Variants in ABL1 observed in about 807,000 individuals in gnomAD.
The protein encoded by ABL1 is ABL proto-oncogene 1, non-receptor tyrosine kinase, also known as tyrosine-protein kinase ABL1.
ABL1 carries 11 observed loss-of-function variants against 94.7 expected under a neutral mutation model. The observed-to-expected ratio is 0.12, with a 90% CI of 0.07 to 0.19. The LOEUF is 0.19. Among genes scored for constraint, ABL1 ranks in the 10% least tolerant of loss-of-function variants. ABL1 has a pLI of 1.00. For synonymous variants in ABL1, 656 were observed against 622.4 expected (o/e 1.05, Z -0.80); for missense variants, 1,082 against 1,489.4 (o/e 0.73, Z 4.50).
At chr9:130,847,068 T>A (rs1261458322) in intron 1 of ABL1, among the ~76,000 whole-genome samples, 1 of 152,212 alleles carries the variant, frequency 6.6e-6, no homozygotes, top group African/African-American at 2.4e-5. Flanking sequence ...TTAGATGTAT[T>A]ACTGTTCTCG....
At position 130,885,852 on chromosome 9, in the gene ABL1, C is replaced by CG; in HGVS notation, c.*170dup. On this transcript the variant is annotated 3_prime_UTR_variant, in exon 11 of 11. Transcript: ENST00000318560. Reference sequence around the variant, plus strand: ...CTGTGGAGTCCAGCTCTACTACCTACGTTTGCACCGCCTGCCCTCCCGCAC... The same window carrying CG: ...CTGTGGAGTCCAGCTCTACTACCTACGGTTTGCACCGCCTGCCCTCCCGCAC... 4.7e-6 allele frequency: 4 copies of CG among 856,762 alleles called. No homozygotes were observed. The highest frequency in any genetic ancestry group is 7.0e-6 in the Non-Finnish European group (4 of 574,858). 53.1% of individuals were successfully genotyped at this position (856,762 alleles called of 1,614,324 possible).
Position 130,835,500 on chromosome 9 carries a change from C to T in ABL1, c.54C>T (p.Ser18=). 1 of 1,562,956 alleles carries T rather than the reference C, an allele frequency of 6.4e-7. No homozygotes were observed. Among genetic ancestry groups the T allele is most frequent in the Non-Finnish European group, 8.7e-7 (1 of 1,153,208 alleles). ...LVGCKSKKGL[S]SSSSCYLEEA... is the part of the protein sequence containing the mutation. ...GCTGCAAATCCAAGAAGGGGCTGTC[C>T]TCGTCCTCCAGCTGTTATCTGGAAG... Residue 18 remains serine, a synonymous_variant, in exon 1 of 11, where the codon TCC becomes TCT. Transcript: ENST00000318560. The surrounding 1 kb of genome is among the most constrained non-coding windows in gnomAD (Gnocchi z 4.6).
chr9:130,854,380 C>G, intron 2 of ABL1, 143 bp downstream of exon 2: 1 of 945,802 alleles, frequency 1.1e-6, no homozygotes, highest in Non-Finnish European at 1.6e-6. Flanking sequence ...CTGCATGTTT[C>G]TAAGGGAGTC....
intron 1 of ABL1, among the ~76,000 whole-genome samples, chr9:130,846,108 T>TGC (rs756991202): frequency 2.1e-5 from 3 of 145,844 alleles, no homozygotes; most frequent in South Asian, 2.1e-4. Context: ...TGTGTGTGTG[T>TGC]GCTTGTGTGT....
At chr9:130,792,101 A>G (rs1382978850) in intron 1 of ABL1, among the ~76,000 whole-genome samples, 1 of 152,142 alleles carries the variant, frequency 6.6e-6, no homozygotes, top group African/African-American at 2.4e-5. Context: ...AGGATGCAAG[A>G]AAGAAATCAA....
rs1004428340 is a variant in ABL1 at position 130,885,150 on chromosome 9, G to A, written c.2860G>A (p.Gly954Ser). The change falls in exon 11 of 11, where the codon GGC becomes AGC. Residue 954 changes from glycine to serine, a missense_variant. Physicochemically the swap from Gly to Ser is moderately conservative, Grantham distance 56. This residue lies in a region of ABL1 where 780 missense variants were observed against 835.8 expected (regional missense o/e 0.93). Coordinates refer to ENST00000318560, the MANE Select transcript of ABL1 (RefSeq NM_005157.6). The part of the protein sequence containing the change: ...DAAKPSQPGE[G>S]LKKPVLPATP... ...TGCCAAGCCCAGCCAGCCGGGAGAG[G>A]GCCTCAAAAAGCCCGTGCTCCCGGC... 5 of 1,613,084 alleles carry A rather than the reference G, an allele frequency of 3.1e-6. No homozygotes were observed. The Admixed American group carries it at 5.0e-5, about 16-fold the overall frequency.
At chr9:130,828,443 G>T (rs1253028855) in intron 1 of ABL1, among the ~76,000 whole-genome samples, 3 of 152,194 alleles carry the variant, frequency 2.0e-5, no homozygotes, top group Non-Finnish European at 4.4e-5. Flanking sequence ...AATTGTCTCA[G>T]AATGTATTGG....
At chr9:130,859,677 CTTTTTTTTTTTTTTTTT>C (rs869234280) in intron 3 of ABL1, among the ~76,000 whole-genome samples, 6 of 78,460 alleles carry the variant, frequency 7.6e-5, no homozygotes, top group Admixed American at 1.5e-4. Context: ...TCTTTCTTTC[CTTTTTTTTTTTTTTTTT>C]TTTTTTTTTT....
intron 1 of ABL1, among the ~76,000 whole-genome samples, chr9:130,761,040 C>T (rs1470129115): frequency 6.6e-6 from 1 of 151,158 alleles, no homozygotes; most frequent in East Asian, 1.9e-4. Context: ...CTCCGCCTCC[C>T]AGGTTCACAC....
chr9:130,885,756 CAG>C lies in ABL1; in HGVS notation c.*74_*75del. 1 of 1,517,000 alleles carries C rather than the reference CAG, an allele frequency of 6.6e-7. No individual in the cohort carries two copies. The highest frequency in any genetic ancestry group is 8.8e-7 in the Non-Finnish European group (1 of 1,132,426). 94.0% of individuals were successfully genotyped at this position (1,517,000 alleles called of 1,614,324 possible). ...CATGCGGGCTCGCCCATACCCGTGA[CAG>C]TGGCTGACAAGGGACTAGTGAGTCA... On this transcript the variant is annotated 3_prime_UTR_variant, in exon 11 of 11. Coordinates refer to ENST00000318560, the MANE Select transcript of ABL1 (RefSeq NM_005157.6).
rs1314090252 is a variant in ABL1, at chr9:130,814,300, G to A, written c.137-39764G>A. 2.7e-5 allele frequency among the ~76,000 whole-genome samples: 4 copies of A among 150,614 alleles called. No homozygotes were observed. Among genetic ancestry groups the A allele is most frequent in the Non-Finnish European group, 4.4e-5 (3 of 67,690 alleles). On this transcript the variant is annotated intron_variant, in intron 1 of 10. Transcript: ENST00000372348. This position sits in a 1 kb window ranked among gnomAD's most constrained non-coding sequence, Gnocchi z 4.4. ...GACTCCGTCTCAAAAAAAAAAGAAA[G>A]AAAGAAAGAAAAAGAAAAGGCCAGT...
exon 1 of ABL1, chr9:130,714,219 C>T: frequency 8.3e-7 from 1 of 1,202,334 alleles, no homozygotes; most frequent in Non-Finnish European, 1.1e-6. Context: ...GGAGATGCAG[C>T]GAATGTGAAA....
intron 4 of ABL1, among the ~76,000 whole-genome samples, chr9:130,867,638 A>G (rs1831177071): frequency 6.6e-6 from 1 of 152,206 alleles, no homozygotes; most frequent in African/African-American, 2.4e-5. Flanking sequence ...TATTTCTCCC[A>G]GGAAATGGGT....
chr9:130,757,942 A>T (rs954742592), intron 1 of ABL1, among the ~76,000 whole-genome samples: 1 of 152,322 alleles, frequency 6.6e-6, no homozygotes, highest in East Asian at 1.9e-4. Context: ...TGAGGAAGCA[A>T]TGGCCCCTCC....
At chr9:130,850,341 G>T (rs945736536) in intron 1 of ABL1, among the ~76,000 whole-genome samples, 3 of 150,652 alleles carry the variant, frequency 2.0e-5, no homozygotes, top group Admixed American at 6.7e-5. Context: ...TGATTGGAAT[G>T]AATTACAGAA....
chr9:130,727,975 TGAA>T (rs996590668), intron 1 of ABL1, among the ~76,000 whole-genome samples: 1 of 151,986 alleles, frequency 6.6e-6, no homozygotes, highest in Non-Finnish European at 1.5e-5. Context: ...GTAAGACTAA[TGAA>T]GAAAAAGAAA....
At chr9:130,827,105 G>A (rs571374466) in intron 1 of ABL1, among the ~76,000 whole-genome samples, 4 of 152,210 alleles carry the variant, frequency 2.6e-5, no homozygotes, top group Non-Finnish European at 4.4e-5. Context: ...GAAATGCCCC[G>A]TAGAGGCTCT....
At chr9:130,713,345 C>T (rs1032860243) in exon 1 of ABL1, among the ~76,000 whole-genome samples, 9 of 152,214 alleles carry the variant, frequency 5.9e-5, no homozygotes, top group Non-Finnish European at 1.3e-4. Flanking sequence ...GAGAGTCCTT[C>T]GTCCCTTACA....
intron 1 of ABL1, among the ~76,000 whole-genome samples, chr9:130,780,211 C>A (rs1224364552): frequency 6.6e-6 from 1 of 152,174 alleles, no homozygotes; most frequent in African/African-American, 2.4e-5. Flanking sequence ...CGCTTGAACC[C>A]AGGCAGCAGA....
Sources: gnomAD v4.1 joint callset for allele counts (sites outside exome capture counted in the v4.1 genomes callset) on GRCh38, gnomAD v4.1.1 for gene constraint, gnomAD v4.1.1 regional missense constraint, Gnocchi (gnomAD v3.1) non-coding constraint, MANE v1.5 for transcripts, NCBI Gene and HGNC (gene_info 2026-07-23, HGNC 2026-07-21) for gene names.